CYP2R1: variants seen among roughly 807,000 people sequenced by gnomAD.
The protein encoded by CYP2R1 is cytochrome P450 family 2 subfamily R member 1.
CYP2R1 carries 40 observed loss-of-function variants against 45.7 expected under a neutral mutation model. The ratio of observed to expected loss-of-function variants is 0.87; its 90% CI spans 0.68 to 1.14. CYP2R1 has a LOEUF of 1.14. CYP2R1 is among the 50% of genes most tolerant of loss of function. The pLI, the probability that CYP2R1 is intolerant of heterozygous loss-of-function variation, is 0.00. For missense variants in CYP2R1, 605 were observed against 602.6 expected (o/e 1.00, Z -0.04); for synonymous variants, 234 against 219.3 (o/e 1.07, Z -0.59).
At chr11:14,880,085 A>G (rs781847611) in intron 3 of CYP2R1, 51 bp downstream of exon 3, 2 of 1,598,034 alleles carry the variant, frequency 1.3e-6, no homozygotes, top group South Asian at 2.2e-5. Context: ...AAAAACATGT[A>G]TGAACCCTAC....
chr11:14,887,633 C>G, intron 1 of CYP2R1: 1 of 985,392 alleles, frequency 1.0e-6, no homozygotes, highest in Non-Finnish European at 1.2e-6. Flanking sequence ...TCCTTGCCTT[C>G]TAGATCACTC....
In CYP2R1 at chr11:14,892,073, C is replaced by T; in HGVS notation, c.133G>A (p.Gly45Arg). ...RPMGFPPGPPGLPFIGNIYSL... is the reference protein window; with the variant it reads ...RPMGFPPGPPRLPFIGNIYSL... ...TAGATGTTGCCGATAAATGGCAGCC[C>T]CGGCGGCCCCGGGGGGAAGCCCATC... The change falls in exon 1 of 5, where the codon GGG (glycine) becomes AGG (arginine). Residue 45 changes from glycine to arginine, a missense_variant. Transcript: ENST00000334636. 1.9e-6 allele frequency: 3 copies of T among 1,611,994 alleles called. No homozygotes were observed. Among genetic ancestry groups the T allele is most frequent in the East Asian group, 2.2e-5 (1 of 44,846 alleles).
intron 4 of CYP2R1, 89 bp from the exon 5 acceptor site, chr11:14,878,386 C>A: frequency 7.8e-7 from 1 of 1,286,398 alleles, no homozygotes; most frequent in Non-Finnish European, 1.1e-6. Context: ...TTCAGGAAAT[C>A]TGGAATTTAA....
chr11:14,880,263 T>C lies in CYP2R1; in HGVS notation c.873A>G (p.Pro291=), dbSNP rs184549196. The C allele has an allele frequency of 8.9e-5, 144 of 1,613,114 alleles. No individual in the cohort carries two copies. In the Admixed American group the frequency reaches 9.4e-4, roughly 10 times the overall value. ...LDEMDQGKND[P]SSTFSKENLI... ...GGTTTTCTTTGGAGAAAGTAGATGA[T>C]GGGTCATTTTTACCTTGATCCATCT... Residue 291 remains proline (P), a synonymous_variant, in exon 3 of 5, where the codon CCA becomes CCG. Transcript: ENST00000334636.
chr11:14,887,209 T>TA (rs2134077035), intron 1 of CYP2R1: 1 of 152,320 alleles, frequency 6.6e-6, no homozygotes, highest in Non-Finnish European at 1.5e-5. Context: ...GCCATGAACT[T>TA]AAAGTTGTGT....
intron 1 of CYP2R1, chr11:14,890,534 A>ATTTTTT (rs1565189371): frequency 1.2e-5 from 2 of 170,268 alleles, no homozygotes; most frequent in African/African-American, 9.1e-5. Context: ...ACCTAGACCA[A>ATTTTTT]TTCTTTTTTT....
chr11:14,882,145 T>C (rs1848411813), intron 2 of CYP2R1, among the ~76,000 whole-genome samples: 1 of 152,124 alleles, frequency 6.6e-6, no homozygotes. Flanking sequence ...TTAACATGTA[T>C]TTGTGGAACA....
chr11:14,892,248 C>G (rs1555017526), upstream of CYP2R1: 11 of 1,562,926 alleles, frequency 7.0e-6, no homozygotes, highest in Non-Finnish European at 9.6e-6. Flanking sequence ...GCCCTGAGAC[C>G]CAGGCACTCC....
intron 1 of CYP2R1, chr11:14,891,077 A>G (rs1848834098): frequency 1.0e-6 from 1 of 985,252 alleles, no homozygotes; most frequent in African/African-American, 1.7e-5. Flanking sequence ...AATAAGTGTA[A>G]TTCAAAACAA....
intron 1 of CYP2R1, chr11:14,891,241 C>T (rs797030443): frequency 5.1e-6 from 5 of 984,962 alleles, no homozygotes; most frequent in Admixed American, 6.1e-5. Context: ...AGCGAAGTAC[C>T]GACCTCACCG....
chr11:14,887,936 A>G (rs781847595), intron 1 of CYP2R1, among the ~76,000 whole-genome samples: 2 of 152,106 alleles, frequency 1.3e-5, no homozygotes, highest in Non-Finnish European at 2.9e-5. Context: ...TGGCCTCCCT[A>G]ATTTCATCCT....
chr11:14,891,036 A>G (rs1724792676), intron 1 of CYP2R1: 2 of 985,224 alleles, frequency 2.0e-6, no homozygotes, highest in African/African-American at 1.7e-5. Context: ...TGCCTTCTTC[A>G]CCGCTAGCGT....
At chr11:14,889,102 A>C (rs1848727731) in intron 1 of CYP2R1, among the ~76,000 whole-genome samples, 1 of 152,096 alleles carries the variant, frequency 6.6e-6, no homozygotes, top group Non-Finnish European at 1.5e-5. Context: ...TTGAATTCAC[A>C]GACTAACACA....
At chr11:14,890,294 A>G (rs564137963) in intron 1 of CYP2R1, 4 of 213,494 alleles carry the variant, frequency 1.9e-5, no homozygotes, top group Non-Finnish European at 3.2e-5. Flanking sequence ...ATGCTTTCAC[A>G]TTTTATTTCT....
chr11:14,879,455 A>T lies in CYP2R1; in HGVS notation c.1001-12T>A. ...TTTCTGAACTTGTCCTGTCAGAGAA[A>T]AAGTATTCAAGTTATTATGCAGTTC... On this transcript the variant is annotated splice_polypyrimidine_tract_variant and intron_variant, in intron 3 of 4. Transcript: ENST00000334636. 6.3e-7 allele frequency: 1 copy of T among 1,584,602 alleles called. No individual in the cohort carries two copies. The highest frequency in any genetic ancestry group is 8.6e-7 in the Non-Finnish European group (1 of 1,167,180).
intron 3 of CYP2R1, 130 bp downstream of exon 3, chr11:14,880,006 A>G: frequency 1.1e-6 from 1 of 894,592 alleles, no homozygotes; most frequent in Non-Finnish European, 1.7e-6. Context: ...TGTAACTATT[A>G]AATATTTCTA....
intron 2 of CYP2R1, among the ~76,000 whole-genome samples, chr11:14,883,953 G>C (rs1555013361): frequency 1.3e-5 from 2 of 152,008 alleles, no homozygotes; most frequent in Non-Finnish European, 2.9e-5. Context: ...CTGGCCATCA[G>C]AGAAATGCAA....
At chr11:14,880,047 G>T in intron 3 of CYP2R1, 89 bp downstream of exon 3, 1 of 1,374,444 alleles carries the variant, frequency 7.3e-7, no homozygotes, top group Non-Finnish European at 1.0e-6. Flanking sequence ...AGTTCCTAAA[G>T]AAAATGTATT....
intron 2 of CYP2R1, among the ~76,000 whole-genome samples, chr11:14,884,614 T>C (rs1283554922): frequency 2.0e-5 from 3 of 151,802 alleles, no homozygotes; most frequent in African/African-American, 7.3e-5. Flanking sequence ...CATACCAGCA[T>C]GGCACATGTA....
Sources: allele counts gnomAD v4.1 joint callset (sites outside exome capture counted in the v4.1 genomes callset), GRCh38; gene constraint gnomAD v4.1.1; transcripts MANE v1.5; gene names NCBI Gene and HGNC (gene_info 2026-07-23, HGNC 2026-07-21).